The following TMX4 variants were observed in gnomAD, a reference collection of about 807,000 sequenced individuals.
TMX4 encodes thioredoxin related transmembrane protein 4, also known as thioredoxin-related transmembrane protein 4.
TMX4 carries 23 observed loss-of-function variants against 33.3 expected under a neutral mutation model. The observed-to-expected ratio is 0.69, with a 90% confidence interval of 0.50 to 0.98. The LOEUF is 0.98. TMX4 is among the 50% of genes least tolerant of loss of function. The pLI is 0.00. For synonymous variants in TMX4, 164 were observed against 161.5 expected, an observed-to-expected ratio of 1.02 and a Z score of -0.12; for missense variants, 399 against 448.9, an observed-to-expected ratio of 0.89 and a Z score of 1.01.
At chr20:8,018,689 A>C (rs1427442003) in intron 1 of TMX4, 1 of 172,524 alleles carries the variant, frequency 5.8e-6, no homozygotes, top group Admixed American at 6.5e-5. Flanking sequence ...CCATCTCCTT[A>C]AAGAAAAGGC....
rs113450175 is a variant in TMX4, at chr20:7,983,799, C to T, written c.674G>A (p.Arg225His). ...CAGGAGCTTATCGTACTTACCAGAA[C>T]GCTCAGATAAATGCCTTGGAAGTGG... Reference protein sequence around the residue: ...YVPLPRHLSERSEQNRRSEEA... With the variant: ...YVPLPRHLSEHSEQNRRSEEA... The change falls in exon 7 of 8, where the codon CGT becomes CAT. Residue 225 changes from arginine (R) to histidine (H), a missense_variant. Physicochemically the swap from Arg to His is conservative, Grantham distance 29 (BLOSUM62 0). Coordinates refer to ENST00000246024, the MANE Select transcript of TMX4 (RefSeq NM_021156.4). 172 of 1,613,150 alleles carry T rather than the reference C, an allele frequency of 1.1e-4. No homozygotes were observed. The East Asian group carries it at 1.7e-3, about 15-fold the overall frequency.
chr20:8,000,770 A>T (rs556662296), intron 3 of TMX4, among the ~76,000 whole-genome samples: 1 of 152,132 alleles, frequency 6.6e-6, no homozygotes, highest in African/African-American at 2.4e-5. Flanking sequence ...TTTCTTCTGA[A>T]CTCTGGATCC....
rs1479737363 is a variant in TMX4 at position 7,980,820 on chromosome 20, C to T, written c.*1431G>A. 2.0e-5 allele frequency: 3 copies of T among 152,178 alleles called. No homozygotes were observed. The highest frequency in any genetic ancestry group is 2.1e-4 in the South Asian group (1 of 4,824). 9.4% of individuals were successfully genotyped at this position (152,178 alleles called of 1,614,324 possible). The stretch of plus-strand genomic sequence containing the variant: ...CAGAACCTCCCCCACCAGTGAGCTC[C>T]GTGCTCACAATTAATACAAGGAAAG... On this transcript the variant is annotated 3_prime_UTR_variant, in exon 8 of 8. Coordinates refer to ENST00000246024, the MANE Select transcript of TMX4 (RefSeq NM_021156.4).
intron 7 of TMX4, 67 bp from the exon 8 acceptor site, chr20:7,982,688 G>A: frequency 6.8e-7 from 1 of 1,479,750 alleles, no homozygotes. Context: ...AATTGAGTGT[G>A]TTTAGCTGTG....
rs1410665873 is a variant in TMX4, at chr20:7,978,388, A to G, written c.*3863T>C. The G allele has an allele frequency of 6.6e-6, 1 of 152,174 alleles. No individual in the cohort carries two copies. The highest frequency in any genetic ancestry group is 1.5e-5 in the Non-Finnish European group (1 of 68,034). The allele number at this position is 152,174 out of a possible 1,614,324, so 9.4% of individuals were successfully genotyped here. On this transcript the variant is annotated 3_prime_UTR_variant, in exon 8 of 8. Coordinates refer to ENST00000246024, the MANE Select transcript of TMX4 (RefSeq NM_021156.4). ...AACATACCAGCTCCACTACTGATGC[A>G]TTTGGTAATAAAAAGTCACATGGTA...
intron 6 of TMX4, among the ~76,000 whole-genome samples, chr20:7,986,414 A>G (rs2050631264): frequency 6.6e-6 from 1 of 152,196 alleles, no homozygotes; most frequent in Admixed American, 6.5e-5. Flanking sequence ...AACTTGCTAA[A>G]GAGCCAAAAT....
At chr20:8,011,397 C>G (rs1310647559) in intron 1 of TMX4, among the ~76,000 whole-genome samples, 2 of 151,594 alleles carry the variant, frequency 1.3e-5, no homozygotes, top group African/African-American at 4.8e-5. Context: ...GATTTAGGCT[C>G]AAAGTTGCCT....
rs768365442 is a variant in TMX4, at chr20:8,004,420, TG to T, written c.293-2880del. 4.5e-4 allele frequency among the ~76,000 whole-genome samples: 68 copies of T among 152,322 alleles called. 1 individual carries two copies. Among genetic ancestry groups the T allele is most frequent in the East Asian group, 3.5e-3 (18 of 5,194 alleles). ...TTCAGTGCAATAACTTCAGTAAGCTTGGAAGAAACAAGTATACTCCTAAGCT... is the reference window on the plus strand; with the variant it reads ...TTCAGTGCAATAACTTCAGTAAGCTTGAAGAAACAAGTATACTCCTAAGCT... On this transcript the variant is annotated intron_variant, in intron 2 of 7. Coordinates refer to ENST00000246024, the MANE Select transcript of TMX4 (RefSeq NM_021156.4).
At chr20:8,010,123 CT>C (rs2050746765) in intron 2 of TMX4, 76 bp downstream of exon 2, 1 of 1,284,796 alleles carries the variant, frequency 7.8e-7, no homozygotes, top group Non-Finnish European at 1.1e-6. Context: ...AGACTCTCAA[CT>C]TTTCTATATG....
At position 8,019,613 on chromosome 20, in the gene TMX4, TGTTGG is replaced by T; in HGVS notation, c.-5_-1del. ...TGCGGGCCGCAGCGCCCACCCGCCA[TGTTGG>T]GCGCCGAGCGAGGCTTCTCGGCGGG... On this transcript the variant is annotated 5_prime_UTR_variant, in exon 1 of 8. Transcript: ENST00000246024. 7.5e-7 allele frequency: 1 copy of T among 1,340,196 alleles called. No homozygotes were observed. Among genetic ancestry groups the T allele is most frequent in the Non-Finnish European group, 9.6e-7 (1 of 1,044,748 alleles). 83.0% of individuals were successfully genotyped at this position (1,340,196 alleles called of 1,614,324 possible).
At chr20:7,997,554 C>T (rs963940273) in intron 4 of TMX4, among the ~76,000 whole-genome samples, 4 of 151,780 alleles carry the variant, frequency 2.6e-5, no homozygotes, top group Non-Finnish European at 2.9e-5. Flanking sequence ...ACCCTTTCCC[C>T]TTTCCTCTTT....
In TMX4 at chr20:8,019,760, T is replaced by G; in HGVS notation, c.-147A>C. ...GCCTAGCGGCGCAGACTGGCGGTGCTCGCAATGCCGCGGAGGACGCCACCT... is the reference window on the plus strand; with the variant it reads ...GCCTAGCGGCGCAGACTGGCGGTGCGCGCAATGCCGCGGAGGACGCCACCT... On this transcript the variant is annotated 5_prime_UTR_variant, in exon 1 of 8. Transcript: ENST00000246024. The G allele has an allele frequency of 1.6e-6, 1 of 641,852 alleles. No homozygotes were observed. The allele number at this position is 641,852 out of a possible 1,614,324, so 39.8% of individuals were successfully genotyped here.
At chr20:8,017,460 G>A (rs67898032) in intron 1 of TMX4, among the ~76,000 whole-genome samples, 17,589 of 152,148 alleles carry the variant, frequency 0.12, 1,392 homozygotes, top group South Asian at 0.28. Context: ...TCATAAAAAA[G>A]TAAAATTTGA....
In TMX4 at chr20:8,019,656, G is replaced by A; in HGVS notation, c.-43C>T. ...GCTTCTCGGCGGGGAGTGTGGGGAA[G>A]GGCAGCGGCCGGCCCGCAGCCTCGC... On this transcript the variant is annotated 5_prime_UTR_variant, in exon 1 of 8. Coordinates refer to ENST00000246024, the MANE Select transcript of TMX4 (RefSeq NM_021156.4). 2 of 1,294,628 alleles carry A rather than the reference G, an allele frequency of 1.5e-6. No individual in the cohort carries two copies. The highest frequency in any genetic ancestry group is 1.6e-5 in the African/African-American group (1 of 64,494). 80.2% of individuals were successfully genotyped at this position (1,294,628 alleles called of 1,614,324 possible).
chr20:8,018,712 T>G (rs569637423), intron 1 of TMX4: 2 of 177,722 alleles, frequency 1.1e-5, no homozygotes, highest in South Asian at 1.8e-4. Context: ...TATCCACCAT[T>G]TGCTTTCTAT....
chr20:8,009,861 T>TAAAAAAAAAAAAAAA (rs11289988), intron 2 of TMX4, among the ~76,000 whole-genome samples: 1 of 84,604 alleles, frequency 1.2e-5, no homozygotes, highest in African/African-American at 3.4e-5. Flanking sequence ...CAAAAAACTG[T>TAAAAAAAAAAAAAAA]AAAAAAAAAA....
chr20:8,012,200 G>A (rs1234981740), intron 1 of TMX4, among the ~76,000 whole-genome samples: 2 of 152,054 alleles, frequency 1.3e-5, no homozygotes, highest in African/African-American at 4.8e-5. Flanking sequence ...GATCAACCAG[G>A]AATTAATCAT....
At chr20:7,992,116 T>C (rs1194862591) in intron 5 of TMX4, among the ~76,000 whole-genome samples, 1 of 152,246 alleles carries the variant, frequency 6.6e-6, no homozygotes, top group African/African-American at 2.4e-5. Flanking sequence ...CATTAGAGTA[T>C]TAACATTTTT....
chr20:8,008,922 C>A lies in TMX4; in HGVS notation c.292+1278G>T, dbSNP rs76954360. On this transcript the variant is annotated intron_variant, in intron 2 of 7. Coordinates refer to ENST00000246024, the MANE Select transcript of TMX4 (RefSeq NM_021156.4). ...GGCTTTTAATAGAAATCTCGCTCCA[C>A]GGGTTTGCTGACACATCAATTTTAA... Among the ~76,000 whole-genome samples the A allele has an allele frequency of 4.1e-4, 62 of 152,246 alleles. 3 individuals carry two copies. In the East Asian group the frequency reaches 0.012, roughly 29 times the overall value.
Sources: allele counts gnomAD v4.1 joint callset (sites outside exome capture counted in the v4.1 genomes callset), GRCh38; gene constraint gnomAD v4.1.1; transcripts MANE v1.5; gene names NCBI Gene and HGNC (gene_info 2026-07-23, HGNC 2026-07-21).